Variants in TDRP observed in about 807,000 individuals in gnomAD.
TDRP encodes the protein testis development-related protein.
Under a neutral mutation model 10.5 loss-of-function variants are expected in TDRP, and 12 were observed. The observed-to-expected ratio is 1.15, with a 90% CI of 0.73 to 1.86. The LOEUF is 1.86. Ranked by LOEUF, TDRP falls within the 40% of genes most tolerant of loss-of-function variation. TDRP has a pLI of 0.00. For missense variants in TDRP, 353 were observed against 229.2 expected (o/e 1.54, Z -3.49); for synonymous variants, 139 against 95.4 (o/e 1.46, Z -2.67).
chr8:542,091 C>A (rs537855935), intron 1 of TDRP, among the ~76,000 whole-genome samples: 1 of 152,112 alleles, frequency 6.6e-6, no homozygotes, highest in African/African-American at 2.4e-5. Flanking sequence ...TAAAAAGAAA[C>A]GAGCTACAAG....
intron 1 of TDRP, among the ~76,000 whole-genome samples, chr8:495,591 G>A (rs983350007): frequency 9.9e-5 from 15 of 152,198 alleles, no homozygotes; most frequent in African/African-American, 2.4e-5. Context: ...CATATTCACT[G>A]ATTAACATTT....
intron 1 of TDRP, among the ~76,000 whole-genome samples, chr8:524,043 G>A (rs959763393): frequency 6.6e-6 from 1 of 152,196 alleles, no homozygotes; most frequent in Non-Finnish European, 1.5e-5. Context: ...CAGTCCCAGG[G>A]CAGTGGCCAC....
At position 535,426 on chromosome 8, in the gene TDRP, A is replaced by G. The variant is rs994940829; in HGVS notation, c.108+9224T>C. Among the ~76,000 whole-genome samples, 107 of 152,280 alleles carry G rather than the reference A, an allele frequency of 7.0e-4. 1 individual carries two copies. The highest frequency in any genetic ancestry group is 2.5e-3 in the African/African-American group (102 of 41,580). On this transcript the variant is annotated intron_variant, in intron 1 of 2. Transcript: ENST00000324079. Reference sequence around the variant, plus strand: ...AACCCCAGCTAACGTGGGGTGAAGGATCAGATAAAACGAACATAAAACGAC... The same window carrying G: ...AACCCCAGCTAACGTGGGGTGAAGGGTCAGATAAAACGAACATAAAACGAC...
At chr8:507,409 G>T (rs965600483) in intron 1 of TDRP, among the ~76,000 whole-genome samples, 5 of 152,126 alleles carry the variant, frequency 3.3e-5, no homozygotes, top group Non-Finnish European at 5.9e-5. Context: ...ATCAAGCAGG[G>T]ACCTCAAACT....
intron 2 of TDRP, among the ~76,000 whole-genome samples, chr8:493,954 T>C (rs922754554): frequency 6.6e-6 from 1 of 151,728 alleles, no homozygotes; most frequent in Admixed American, 6.6e-5. Context: ...AAAGTACAGT[T>C]TCTTTTTTTT....
At position 526,555 on chromosome 8, in the gene TDRP, G is replaced by T. The variant is rs549644281; in HGVS notation, c.108+18095C>A. On this transcript the variant is annotated intron_variant, in intron 1 of 2. Transcript: ENST00000324079. Reference sequence around the variant, plus strand: ...TACTGAACCATCCTCACATCCCTGGGATAAAAAGATCATAATTATCTTTTT... The same window carrying T: ...TACTGAACCATCCTCACATCCCTGGTATAAAAAGATCATAATTATCTTTTT... Among the ~76,000 whole-genome samples the T allele has an allele frequency of 1.6e-4, 24 of 152,224 alleles. No individual in the cohort carries two copies. The South Asian group carries it at 5.0e-3, about 32-fold the overall frequency.
rs1800971890 is a variant in TDRP, at chr8:491,500, A to T, written c.*899T>A. ...GTGGAAAAAACACAGCTTCTTACAGATCTAACACCAATCACAATAGGCATC... is the reference window on the plus strand; with the variant it reads ...GTGGAAAAAACACAGCTTCTTACAGTTCTAACACCAATCACAATAGGCATC... On this transcript the variant is annotated 3_prime_UTR_variant, in exon 3 of 3. Transcript: ENST00000324079. 1.9e-6 allele frequency: 2 copies of T among 1,055,496 alleles called. No individual in the cohort carries two copies. Among genetic ancestry groups the T allele is most frequent in the South Asian group, 3.7e-5 (2 of 54,658 alleles). 65.4% of individuals were successfully genotyped at this position (1,055,496 alleles called of 1,614,324 possible). A position where few individuals can be genotyped will look rare whatever the true frequency, so the allele number is the denominator to read the frequency against.
intron 1 of TDRP, among the ~76,000 whole-genome samples, chr8:498,019 C>A (rs1801181542): frequency 6.6e-6 from 1 of 152,138 alleles, no homozygotes; most frequent in Non-Finnish European, 1.5e-5. Context: ...AATGGCTGGA[C>A]ATCCAAGCAG....
Position 492,013 on chromosome 8 carries a change from C to A in TDRP, c.*386G>T. 1.8e-6 allele frequency: 2 copies of A among 1,107,880 alleles called. No homozygotes were observed. Among genetic ancestry groups the A allele is most frequent in the Non-Finnish European group, 2.2e-6 (2 of 910,390 alleles). The allele number at this position is 1,107,880 out of a possible 1,614,324, so 68.6% of individuals were successfully genotyped here. A position where few individuals can be genotyped will look rare whatever the true frequency, so the allele number is the denominator to read the frequency against. The stretch of plus-strand genomic sequence containing the variant: ...GAACTGCATGACAGCTGCATTTATA[C>A]GTGCTACATACAAGAAAAAGGTACG... On this transcript the variant is annotated 3_prime_UTR_variant, in exon 3 of 3. Coordinates refer to ENST00000324079, the MANE Select transcript of TDRP (RefSeq NM_001384899.1).
At chr8:514,020 C>T (rs1225417848) in intron 1 of TDRP, among the ~76,000 whole-genome samples, 1 of 146,308 alleles carries the variant, frequency 6.8e-6, no homozygotes, top group African/African-American at 2.5e-5. Flanking sequence ...GGCAATACTC[C>T]CCAAACTGAT....
chr8:533,694 T>A (rs1467530081), intron 1 of TDRP, among the ~76,000 whole-genome samples: 1 of 152,180 alleles, frequency 6.6e-6, no homozygotes, highest in Admixed American at 6.6e-5. Context: ...AATGGGATTT[T>A]CCCAGTTCTT....
At chr8:526,673 G>C (rs1463005407) in intron 1 of TDRP, among the ~76,000 whole-genome samples, 2 of 152,052 alleles carry the variant, frequency 1.3e-5, no homozygotes, top group East Asian at 1.9e-4. Context: ...TTTTTGGTAT[G>C]TCTTAGTCTG....
At chr8:543,574 A>G (rs1802557055) in intron 1 of TDRP, among the ~76,000 whole-genome samples, 1 of 151,998 alleles carries the variant, frequency 6.6e-6, no homozygotes, top group African/African-American at 2.4e-5. Context: ...AAAGGCACGT[A>G]AGCACTAACG....
chr8:493,188 A>G (rs1160644565), intron 2 of TDRP, among the ~76,000 whole-genome samples: 3 of 152,206 alleles, frequency 2.0e-5, no homozygotes, highest in African/African-American at 7.2e-5. Flanking sequence ...TAATTTACTC[A>G]ACAAAAATAA....
At chr8:504,676 G>T (rs1168782462) in intron 1 of TDRP, among the ~76,000 whole-genome samples, 1 of 152,208 alleles carries the variant, frequency 6.6e-6, no homozygotes, top group East Asian at 1.9e-4. Flanking sequence ...ATTCTTGTAA[G>T]AATCACCAGG....
chr8:540,282 C>G (rs1802458002), intron 1 of TDRP, among the ~76,000 whole-genome samples: 1 of 152,068 alleles, frequency 6.6e-6, no homozygotes, highest in Non-Finnish European at 1.5e-5. Flanking sequence ...GGATTTTTTC[C>G]AACTAGCAGT....
chr8:524,061 CT>C (rs1444043358), intron 1 of TDRP, among the ~76,000 whole-genome samples: 5 of 152,224 alleles, frequency 3.3e-5, no homozygotes, highest in Non-Finnish European at 7.3e-5. Context: ...CACAAGAGTG[CT>C]TGTGTCACCC....
chr8:524,467 A>G (rs974636689), intron 1 of TDRP, among the ~76,000 whole-genome samples: 24 of 152,194 alleles, frequency 1.6e-4, no homozygotes, highest in Non-Finnish European at 7.3e-5. Context: ...TCAGAAACAG[A>G]GATATGTGAC....
intron 1 of TDRP, among the ~76,000 whole-genome samples, chr8:524,495 C>G (rs1801986755): frequency 6.6e-6 from 1 of 152,142 alleles, no homozygotes; most frequent in South Asian, 2.1e-4. Context: ...AGAGAGAATT[C>G]AAAATAACTA....
Sources: gnomAD v4.1 joint callset for allele counts (sites outside exome capture counted in the v4.1 genomes callset) on GRCh38, gnomAD v4.1.1 for gene constraint, MANE v1.5 for transcripts, NCBI Gene and HGNC (gene_info 2026-07-23, HGNC 2026-07-21) for gene names.